ADAM32: variants seen among roughly 807,000 people sequenced by gnomAD.
The protein encoded by ADAM32 is ADAM metallopeptidase domain 32, also known as disintegrin and metalloproteinase domain-containing protein 32.
In ADAM32, 89 loss-of-function variants were observed where a neutral mutation model predicts 114.9. That is an observed-to-expected ratio of 0.77 (90% CI 0.65 to 0.92). The LOEUF is 0.92. ADAM32 is among the 40% of genes least tolerant of loss of function. ADAM32 has a pLI of 0.00. For missense variants in ADAM32, 870 were observed against 932.8 expected (o/e 0.93, Z 0.88); for synonymous variants, 285 against 307.5 (o/e 0.93, Z 0.77).
intron 11 of ADAM32, among the ~76,000 whole-genome samples, chr8:39,194,552 A>G (rs571658780): frequency 4.7e-4 from 72 of 152,148 alleles, no homozygotes; most frequent in Non-Finnish European, 9.1e-4. Flanking sequence ...AGAGGGCACA[A>G]GCAAGCTGAT....
chr8:39,270,801 A>T (rs1812663778), intron 19 of ADAM32, 75 bp from the exon 20 acceptor site: 13 of 1,170,948 alleles, frequency 1.1e-5, no homozygotes, highest in Non-Finnish European at 1.6e-5. Context: ...CTGATTATAA[A>T]ATGGACTGAT....
At chr8:39,131,771 T>C (rs547992125) in intron 2 of ADAM32, among the ~76,000 whole-genome samples, 1 of 152,222 alleles carries the variant, frequency 6.6e-6, no homozygotes, top group Non-Finnish European at 1.5e-5. Flanking sequence ...TTGTCTGATA[T>C]TAGTATAACT....
intron 17 of ADAM32, among the ~76,000 whole-genome samples, chr8:39,250,347 C>T (rs1026639804): frequency 2.0e-5 from 3 of 151,602 alleles, no homozygotes; most frequent in Non-Finnish European, 4.4e-5. Flanking sequence ...TCATCTCAGC[C>T]ATAATTATTC....
chr8:39,107,623 C>A (rs1409926449), upstream of ADAM32: 7 of 1,469,138 alleles, frequency 4.8e-6, no homozygotes, highest in Admixed American at 2.5e-5. Flanking sequence ...GTGTTCCGGA[C>A]GCTAAACACC....
chr8:39,167,754 A>G (rs1804933220), intron 9 of ADAM32: 1 of 151,622 alleles, frequency 6.6e-6, no homozygotes, highest in Admixed American at 6.6e-5. Context: ...AGGTCTTTCT[A>G]CTCCTTGGTT....
chr8:39,120,242 G>T lies in ADAM32; in HGVS notation c.138+2077G>T, dbSNP rs533960567. Among the ~76,000 whole-genome samples, 110 of 152,280 alleles carry T rather than the reference G, an allele frequency of 7.2e-4. 1 individual carries two copies. The highest frequency in any genetic ancestry group is 2.6e-3 in the African/African-American group (107 of 41,540). On this transcript the variant is annotated intron_variant, in intron 2 of 24. Coordinates refer to ENST00000379907, the MANE Select transcript of ADAM32 (RefSeq NM_145004.7). Reference sequence around the variant, plus strand: ...GCTGTAACAAATACCTAAAAATGTTGAAGTGGATTTGGAACTGAGTGAAGG... The same window carrying T: ...GCTGTAACAAATACCTAAAAATGTTTAAGTGGATTTGGAACTGAGTGAAGG...
chr8:39,211,287 T>C lies in ADAM32; in HGVS notation c.1196T>C (p.Leu399Ser). 5 of 1,584,200 alleles carry C rather than the reference T, an allele frequency of 3.2e-6. No individual in the cohort carries two copies. Among genetic ancestry groups the C allele is most frequent in the Non-Finnish European group, 4.3e-6 (5 of 1,165,682 alleles). The change falls in exon 12 of 25, where the codon TTG (leucine) becomes TCG (serine). Residue 399 changes from leucine (L) to serine (S), a missense_variant. By Grantham distance (145) the Leu-to-Ser change is moderately radical. Coordinates refer to ENST00000379907, the MANE Select transcript of ADAM32 (RefSeq NM_145004.7). ...AAACCAGTCTGTGGCAATGGCAGAT[T>C]GGAGGGAAATGAAATCTGTGATTGT... ...SPKPVCGNGR[L>S]EGNEICDCGT... is the part of the protein sequence containing the mutation.
chr8:39,160,982 TTCTTTGCTTTG>T lies in ADAM32; in HGVS notation c.594+18_594+28del, dbSNP rs760944244. On this transcript the variant is annotated intron_variant, in intron 7 of 24. Coordinates refer to ENST00000379907, the MANE Select transcript of ADAM32 (RefSeq NM_145004.7). ...AAAACTTTGGTATGTGTTTTGCTTT[TTCTTTGCTTTG>T]AAATATTTGATCCAAATGTATGATT... The T allele has an allele frequency of 6.4e-7, 1 of 1,551,940 alleles. No individual in the cohort carries two copies. Among genetic ancestry groups the T allele is most frequent in the Non-Finnish European group, 8.7e-7 (1 of 1,145,656 alleles).
rs1455524674 is a variant in ADAM32, at chr8:39,233,944, G to A, written c.1680G>A (p.Lys560=). The A allele has an allele frequency of 6.3e-7, 1 of 1,591,156 alleles. No homozygotes were observed. Residue 560 remains lysine (K), a synonymous_variant, in exon 16 of 25, where the codon AAG becomes AAA. Transcript: ENST00000379907. ...TAGTTTGTACCTACCCTACTCGAAA[G>A]CCTTTCCATCAAGAAAATGGTGATG... ...GRLVCTYPTR[K]PFHQENGDVI... is the part of the protein sequence containing the mutation.
At chr8:39,249,912 C>T (rs74874307) in intron 17 of ADAM32, among the ~76,000 whole-genome samples, 4,123 of 152,084 alleles carry the variant, frequency 0.027, 214 homozygotes, top group African/African-American at 0.094. Flanking sequence ...ACTCTTTTTG[C>T]TTGCATGGTT....
chr8:39,226,365 A>T (rs1389156417), intron 14 of ADAM32, among the ~76,000 whole-genome samples: 2 of 152,132 alleles, frequency 1.3e-5, no homozygotes, highest in Non-Finnish European at 2.9e-5. Flanking sequence ...CTTAGGAAAG[A>T]TATAAGTGTG....
Position 39,283,298 on chromosome 8 carries a change from T to C in ADAM32, c.2319-288T>C, listed in dbSNP as rs139394043. ...GTTGGTGTATGCTTGTAGCCTTAGA[T>C]ATTTGGGAGGCTGAGGCAGGAGGAC... On this transcript the variant is annotated intron_variant, in intron 23 of 24. Transcript: ENST00000379907. 8.1e-3 allele frequency among the ~76,000 whole-genome samples: 1,225 copies of C among 151,004 alleles called. 15 individuals carry two copies. The highest frequency in any genetic ancestry group is 0.013 in the Admixed American group (203 of 15,064).
chr8:39,262,458 A>G (rs1201381666), intron 19 of ADAM32, among the ~76,000 whole-genome samples: 3 of 151,976 alleles, frequency 2.0e-5, no homozygotes, highest in Non-Finnish European at 4.4e-5. Flanking sequence ...GCTTTGTAGT[A>G]TATTTTGAGT....
At chr8:39,231,719 T>C (rs551869697) in intron 14 of ADAM32, among the ~76,000 whole-genome samples, 3 of 152,118 alleles carry the variant, frequency 2.0e-5, no homozygotes, top group Non-Finnish European at 4.4e-5. Context: ...AGAAGAATGG[T>C]ATAGTTTTCT....
chr8:39,276,791 G>A (rs1813101276), intron 22 of ADAM32, among the ~76,000 whole-genome samples: 1 of 151,534 alleles, frequency 6.6e-6, no homozygotes, highest in Admixed American at 6.6e-5. Flanking sequence ...TCTTATTATT[G>A]TGAGCAAGGG....
chr8:39,248,904 CT>C lies in ADAM32; in HGVS notation c.1902+2754del, dbSNP rs373072424. 3.4e-3 allele frequency among the ~76,000 whole-genome samples: 458 copies of C among 134,090 alleles called. 2 individuals are homozygous for C. The highest frequency in any genetic ancestry group is 8.0e-3 in the African/African-American group (293 of 36,674). 88.0% of individuals were successfully genotyped at this position (134,090 alleles called of 152,430 possible). A position where few individuals can be genotyped will look rare whatever the true frequency, so the allele number is the denominator to read the frequency against. On this transcript the variant is annotated intron_variant, in intron 17 of 24. Transcript: ENST00000379907. The stretch of plus-strand genomic sequence containing the variant: ...CTTTTAAAACACAAATGAGTGTTGA[CT>C]TTTTTTTTTTTTTTTGAGATGGACT...
At chr8:39,177,922 C>T (rs1356679862) in intron 10 of ADAM32, among the ~76,000 whole-genome samples, 1 of 152,062 alleles carries the variant, frequency 6.6e-6, no homozygotes, top group Non-Finnish European at 1.5e-5. Context: ...CCTGGCCTTT[C>T]CATCTGACTG....
Position 39,211,225 on chromosome 8 carries a change from T to A in ADAM32, c.1134T>A (p.Cys378Ter). 6.2e-7 allele frequency: 1 copy of A among 1,608,160 alleles called. No individual in the cohort carries two copies. The highest frequency in any genetic ancestry group is 8.5e-7 in the Non-Finnish European group (1 of 1,177,648). ...QNFISNVGVK[C>*]LQNKPQMQKK... ...TCATTTCAAATGTGGGTGTCAAATGTCTTCAGAATAAGCCACAAATGCAAA... is the reference window on the plus strand; with the variant it reads ...TCATTTCAAATGTGGGTGTCAAATGACTTCAGAATAAGCCACAAATGCAAA... Residue 378 changes from cysteine to a stop codon, truncating the protein, a stop_gained, in exon 12 of 25, where the codon TGT becomes TGA. Transcript: ENST00000379907. LOFTEE classifies it high-confidence loss of function.
At chr8:39,158,370 T>A (rs1804287225) in intron 6 of ADAM32, 1 of 176,728 alleles carries the variant, frequency 5.7e-6, no homozygotes, top group Non-Finnish European at 1.2e-5. Flanking sequence ...TTGCACTCAT[T>A]GCTAATGTGC....
Sources: gnomAD v4.1 joint callset for allele counts (sites outside exome capture counted in the v4.1 genomes callset) on GRCh38, gnomAD v4.1.1 for gene constraint, MANE v1.5 for transcripts, NCBI Gene and HGNC (gene_info 2026-07-23, HGNC 2026-07-21) for gene names.